Variants in ANKS1A observed in about 807,000 individuals in gnomAD.
The protein encoded by ANKS1A is ankyrin repeat and sterile alpha motif domain containing 1A.
ANKS1A carries 55 observed loss-of-function variants against 120.3 expected under a neutral mutation model. The ratio of observed to expected loss-of-function variants is 0.46; its 90% CI spans 0.37 to 0.57. ANKS1A has a LOEUF of 0.57. Ranked by LOEUF, ANKS1A falls within the 20% of genes least tolerant of loss-of-function variation. The pLI is 0.00. For missense variants in ANKS1A, 1,123 were observed against 1,480.3 expected (o/e 0.76, Z 3.96); for synonymous variants, 590 against 604.7 (o/e 0.98, Z 0.36).
At chr6:35,080,297 G>A (rs1777604250) in intron 16 of ANKS1A, among the ~76,000 whole-genome samples, 2 of 152,186 alleles carry the variant, frequency 1.3e-5, no homozygotes, top group Admixed American at 6.5e-5. Context: ...TTCCCAGGCT[G>A]GGGTGGCTAA....
chr6:35,091,784 GA>G (rs1778314937), downstream of ANKS1A, among the ~76,000 whole-genome samples: 1 of 152,220 alleles, frequency 6.6e-6, no homozygotes, highest in African/African-American at 2.4e-5. Flanking sequence ...CTAGAGCTGT[GA>G]AAGAAAGTGC....
chr6:34,924,995 AT>A (rs1768636093), intron 1 of ANKS1A, among the ~76,000 whole-genome samples: 1 of 152,166 alleles, frequency 6.6e-6, no homozygotes, highest in Admixed American at 6.5e-5. Context: ...TTGCCTCTTT[AT>A]TGTTGAAGAC....
At chr6:34,915,878 TTCCCATCTTCTCAGAGAAAG>T (rs1293289014) in intron 1 of ANKS1A, among the ~76,000 whole-genome samples, 1 of 152,090 alleles carries the variant, frequency 6.6e-6, no homozygotes, top group African/African-American at 2.4e-5. Context: ...GTACTCTTTG[TTCCCATCTTCTCAGAGAAAG>T]TATTTGGTTT....
chr6:35,086,269 G>A lies in ANKS1A; in HGVS notation c.3303+333G>A. 1 of 1,342,014 alleles carries A rather than the reference G, an allele frequency of 7.5e-7. No individual in the cohort carries two copies. Among genetic ancestry groups the A allele is most frequent in the African/African-American group, 1.5e-5 (1 of 67,978 alleles). The allele number at this position is 1,342,014 out of a possible 1,614,324, so 83.1% of individuals were successfully genotyped here. On this transcript the variant is annotated intron_variant, in intron 22 of 23. Coordinates refer to ENST00000360359, the MANE Select transcript of ANKS1A (RefSeq NM_015245.3). The surrounding 1 kb of genome is among the most constrained non-coding windows in gnomAD (Gnocchi z 5.1). Reference sequence around the variant, plus strand: ...TGTGTCTGCTTTGCTCTGCACCCCAGGTGCCGCTGCCCCCCGATAGTCGCT... The same window carrying A: ...TGTGTCTGCTTTGCTCTGCACCCCAAGTGCCGCTGCCCCCCGATAGTCGCT...
Position 34,974,117 on chromosome 6 carries a change from C to T in ANKS1A, c.435+3951C>T, listed in dbSNP as rs1240023714. Among the ~76,000 whole-genome samples the T allele has an allele frequency of 4.7e-4, 3 of 6,376 alleles. 1 individual carries two copies. Among genetic ancestry groups the T allele is most frequent in the African/African-American group, 3.2e-3 (2 of 618 alleles). The allele number at this position is 6,376 out of a possible 152,430, so 4.2% of individuals were successfully genotyped here. The stretch of plus-strand genomic sequence containing the variant: ...TTCCCCTTCCCCTTCCCCTTCCCTT[C>T]CCCTTCCCCTTCCTCTTCCCTTCCC... On this transcript the variant is annotated intron_variant, in intron 3 of 23. Transcript: ENST00000360359.
intron 1 of ANKS1A, among the ~76,000 whole-genome samples, chr6:34,948,042 G>T (rs847843): frequency 0.34 from 50,881 of 151,248 alleles, 10,821 homozygotes; most frequent in East Asian, 0.59. Context: ...AAGTTTGTTT[G>T]TTTTTTTTAC....
chr6:35,093,809 C>G (rs1778379811), downstream of ANKS1A, among the ~76,000 whole-genome samples: 1 of 152,186 alleles, frequency 6.6e-6, no homozygotes, highest in South Asian at 2.1e-4. Context: ...CTGCTCTACT[C>G]CAGCCAAGCA....
intron 10 of ANKS1A, among the ~76,000 whole-genome samples, chr6:35,003,993 A>G (rs1457042848): frequency 6.6e-6 from 1 of 152,224 alleles, no homozygotes; most frequent in East Asian, 1.9e-4. Flanking sequence ...GGTAGTTAAA[A>G]TTCCACCCTT....
Position 35,090,458 on chromosome 6 carries a change from T to G in ANKS1A, c.*1849T>G. The G allele has an allele frequency of 8.6e-7, 1 of 1,167,936 alleles. No homozygotes were observed. The highest frequency in any genetic ancestry group is 1.1e-6 in the Non-Finnish European group (1 of 929,966). 72.3% of individuals were successfully genotyped at this position (1,167,936 alleles called of 1,614,324 possible). A position where few individuals can be genotyped will look rare whatever the true frequency, so the allele number is the denominator to read the frequency against. Reference sequence around the variant, plus strand: ...ACACTACGATGCACTCCTCAAGCTGTCTTTTGTGCTTAGATCATCCATAGG... The same window carrying G: ...ACACTACGATGCACTCCTCAAGCTGGCTTTTGTGCTTAGATCATCCATAGG... On this transcript the variant is annotated 3_prime_UTR_variant, in exon 24 of 24. Transcript: ENST00000360359.
At position 35,062,815 on chromosome 6, in the gene ANKS1A, C is replaced by T. The variant is rs921788887; in HGVS notation, c.2184+2562C>T. Among the ~76,000 whole-genome samples the T allele has an allele frequency of 7.2e-5, 11 of 152,332 alleles. 1 individual carries two copies. Among genetic ancestry groups the T allele is most frequent in the Non-Finnish European group, 2.9e-5 (2 of 68,024 alleles). On this transcript the variant is annotated intron_variant, in intron 13 of 23. Transcript: ENST00000360359. ...TTTTTTAGTGACAAGGAATTCACTA[C>T]CTTGTAAGGAGGTTACCCATTCATT...
the ANKS1A span, among the ~76,000 whole-genome samples, chr6:35,096,550 G>T: frequency 6.6e-6 from 1 of 152,212 alleles, no homozygotes. Context: ...GTCTGTAAAT[G>T]ATTTGGCCCT....
intron 10 of ANKS1A, among the ~76,000 whole-genome samples, chr6:34,997,255 G>A (rs1372171141): frequency 7.0e-6 from 1 of 142,038 alleles, no homozygotes; most frequent in African/African-American, 2.6e-5. Context: ...GGAGTGCAGT[G>A]GCATGACCTC....
intron 13 of ANKS1A, among the ~76,000 whole-genome samples, chr6:35,069,021 C>T (rs893122799): frequency 4.6e-5 from 7 of 152,150 alleles, no homozygotes; most frequent in Non-Finnish European, 8.8e-5. Context: ...CAGGACTGCC[C>T]CTCCACACCA....
At chr6:34,955,343 G>A (rs1430056445) in intron 1 of ANKS1A, among the ~76,000 whole-genome samples, 1 of 151,950 alleles carries the variant, frequency 6.6e-6, no homozygotes, top group African/African-American at 2.4e-5. Flanking sequence ...CTCCATGTTG[G>A]CCAGGCTGGT....
chr6:35,021,161 A>G (rs1256179035), intron 11 of ANKS1A, among the ~76,000 whole-genome samples: 1 of 152,192 alleles, frequency 6.6e-6, no homozygotes, highest in Non-Finnish European at 1.5e-5. Flanking sequence ...GCATTAGTTA[A>G]TGGCTGCTCC....
chr6:35,059,716 G>GT (rs1776392459), intron 12 of ANKS1A, among the ~76,000 whole-genome samples: 1 of 152,184 alleles, frequency 6.6e-6, no homozygotes, highest in African/African-American at 2.4e-5. Context: ...GGCGGGGCTT[G>GT]TGGGCACTTA....
intron 11 of ANKS1A, chr6:35,038,314 G>A (rs1402524439): frequency 2.2e-6 from 1 of 456,542 alleles, no homozygotes; most frequent in African/African-American, 2.0e-5. Flanking sequence ...TGGGGAAACT[G>A]GAACTTTGCA....
rs573568106 is a variant in ANKS1A at position 34,921,962 on chromosome 6, C to T, written c.197+32363C>T. 2.6e-5 allele frequency among the ~76,000 whole-genome samples: 4 copies of T among 151,684 alleles called. No homozygotes were observed. The East Asian group carries it at 7.8e-4, about 29-fold the overall frequency. ...TTTCCTGCCTCAGCCTCTCAAGGTA[C>T]TGGGACTACAGGTGTGAGCCACTGC... On this transcript the variant is annotated intron_variant, in intron 1 of 23. Coordinates refer to ENST00000360359, the MANE Select transcript of ANKS1A (RefSeq NM_015245.3).
At chr6:35,032,980 G>A (rs985797196) in intron 11 of ANKS1A, among the ~76,000 whole-genome samples, 4 of 152,128 alleles carry the variant, frequency 2.6e-5, no homozygotes, top group Non-Finnish European at 5.9e-5. Context: ...GATGAATTTG[G>A]CATTTAAATG....
Sources: allele counts gnomAD v4.1 joint callset (sites outside exome capture counted in the v4.1 genomes callset), GRCh38; gene constraint gnomAD v4.1.1; non-coding constraint Gnocchi (gnomAD v3.1); transcripts MANE v1.5; gene names NCBI Gene and HGNC (gene_info 2026-07-23, HGNC 2026-07-21).